The following THSD4 variants were observed in gnomAD, a reference collection of about 807,000 sequenced individuals.
THSD4 encodes the protein thrombospondin type-1 domain-containing protein 4.
In THSD4, 69 loss-of-function variants were observed where a neutral mutation model predicts 119.0. The ratio of observed to expected loss-of-function variants is 0.58; its 90% CI spans 0.48 to 0.71. The LOEUF is 0.71. Among genes scored for constraint, THSD4 ranks in the 30% least tolerant of loss-of-function variants. THSD4 has a pLI of 0.00. For synonymous variants in THSD4, 524 were observed against 540.4 expected, an observed-to-expected ratio of 0.97 and a Z score of 0.42; for missense variants, 1,393 against 1,391.1, an observed-to-expected ratio of 1.00 and a Z score of -0.02.
Position 71,407,716 on chromosome 15 carries a change from C to T in THSD4, c.1016-3971C>T, listed in dbSNP as rs575082906. On this transcript the variant is annotated intron_variant, in intron 6 of 17. Transcript: ENST00000261862. ...TATCTTTTAAATTCAGGCGTGGGATCTGAATATCTTTGATTCAAAATAAGA... is the reference window on the plus strand; with the variant it reads ...TATCTTTTAAATTCAGGCGTGGGATTTGAATATCTTTGATTCAAAATAAGA... 2.6e-5 allele frequency among the ~76,000 whole-genome samples: 4 copies of T among 152,074 alleles called. No homozygotes were observed. The South Asian group carries it at 8.3e-4, about 32-fold the overall frequency.
chr15:71,173,587 T>A (rs1002696454), intron 3 of THSD4, among the ~76,000 whole-genome samples: 4 of 149,158 alleles, frequency 2.7e-5, no homozygotes, highest in African/African-American at 9.8e-5. Context: ...TATATATATA[T>A]ACATTTTTAT....
At chr15:71,305,687 T>G (rs547910231) in intron 6 of THSD4, among the ~76,000 whole-genome samples, 2 of 152,324 alleles carry the variant, frequency 1.3e-5, no homozygotes, top group Admixed American at 6.5e-5. Flanking sequence ...TCACCCTTCC[T>G]AGAAAGGTTA....
At chr15:71,738,867 T>G (rs1162836211) in intron 11 of THSD4, among the ~76,000 whole-genome samples, 1 of 152,130 alleles carries the variant, frequency 6.6e-6, no homozygotes, top group Non-Finnish European at 1.5e-5. Flanking sequence ...AAAAACACTC[T>G]TATCAGGTGG....
At chr15:71,174,891 A>C (rs368623031) in intron 3 of THSD4, among the ~76,000 whole-genome samples, 9 of 151,108 alleles carry the variant, frequency 6.0e-5, no homozygotes, top group Non-Finnish European at 7.4e-5. Flanking sequence ...ACACCTCACA[A>C]GGCAGGGTAT....
chr15:71,555,837 T>C (rs1435879016), intron 7 of THSD4, among the ~76,000 whole-genome samples: 1 of 152,224 alleles, frequency 6.6e-6, no homozygotes, highest in Non-Finnish European at 1.5e-5. Flanking sequence ...ATTTCATTTT[T>C]CATTAAGGGA....
At chr15:71,295,054 G>GT (rs2140329761) in intron 6 of THSD4, among the ~76,000 whole-genome samples, 1 of 152,180 alleles carries the variant, frequency 6.6e-6, no homozygotes, top group South Asian at 2.1e-4. Flanking sequence ...GGGAATGTGA[G>GT]TGCCCTGCAG....
intron 7 of THSD4, among the ~76,000 whole-genome samples, chr15:71,655,395 A>G (rs1043042303): frequency 6.6e-6 from 1 of 152,174 alleles, no homozygotes; most frequent in African/African-American, 2.4e-5. Flanking sequence ...TGAAGAAGAA[A>G]ATATTTCTGA....
chr15:71,462,827 C>G (rs2047446650), intron 7 of THSD4, among the ~76,000 whole-genome samples: 1 of 152,218 alleles, frequency 6.6e-6, no homozygotes, highest in East Asian at 1.9e-4. Context: ...ATGTGGTATC[C>G]ATTCATTTGT....
intron 7 of THSD4, among the ~76,000 whole-genome samples, chr15:71,627,178 A>G (rs888496729): frequency 6.6e-6 from 1 of 152,220 alleles, no homozygotes; most frequent in Admixed American, 6.5e-5. Flanking sequence ...GGACTGTCAG[A>G]ATAGATGTCT....
intron 6 of THSD4, among the ~76,000 whole-genome samples, chr15:71,321,718 ATG>A (rs1247782807): frequency 6.6e-6 from 1 of 152,226 alleles, no homozygotes; most frequent in Non-Finnish European, 1.5e-5. Context: ...GCTGAAATAA[ATG>A]TAATTGCATT....
chr15:71,378,722 C>T (rs2046184306), intron 6 of THSD4, among the ~76,000 whole-genome samples: 2 of 152,234 alleles, frequency 1.3e-5, no homozygotes, highest in South Asian at 4.2e-4. Context: ...GGTTGAGAGT[C>T]ACTGCTTAAT....
chr15:71,376,681 G>C (rs998821368), intron 6 of THSD4, among the ~76,000 whole-genome samples: 27 of 152,166 alleles, frequency 1.8e-4, no homozygotes, highest in Admixed American at 1.5e-3. Flanking sequence ...TCCTCAACCT[G>C]TGCTAGTTAT....
intron 1 of THSD4, among the ~76,000 whole-genome samples, chr15:71,106,474 C>G (rs1164629083): frequency 6.6e-6 from 1 of 152,108 alleles, no homozygotes; most frequent in African/African-American, 2.4e-5. Context: ...ATTCTGGCCC[C>G]TGGTGGAGAA....
chr15:71,174,797 G>A (rs891804238), intron 3 of THSD4, among the ~76,000 whole-genome samples: 2 of 152,002 alleles, frequency 1.3e-5, no homozygotes, highest in African/African-American at 2.4e-5. Flanking sequence ...ATCTGAGAAC[G>A]TGCAGACTGC....
intron 6 of THSD4, among the ~76,000 whole-genome samples, chr15:71,378,021 G>A (rs2046173551): frequency 6.6e-6 from 1 of 152,148 alleles, no homozygotes; most frequent in Non-Finnish European, 1.5e-5. Context: ...GCTAGCTACT[G>A]AGATGTCGGG....
At chr15:71,742,616 A>G (rs909741738) in intron 11 of THSD4, among the ~76,000 whole-genome samples, 1 of 152,164 alleles carries the variant, frequency 6.6e-6, no homozygotes, top group Admixed American at 6.5e-5. Context: ...GCCTGACCTC[A>G]CCACCTTGTT....
intron 6 of THSD4, among the ~76,000 whole-genome samples, chr15:71,401,693 G>A (rs1159038436): frequency 6.6e-6 from 1 of 152,174 alleles, no homozygotes; most frequent in Non-Finnish European, 1.5e-5. Context: ...AAACAGTGTG[G>A]CGATTCCTCA....
At chr15:71,673,074 T>A (rs146928520) in intron 8 of THSD4, among the ~76,000 whole-genome samples, 3 of 152,348 alleles carry the variant, frequency 2.0e-5, no homozygotes, top group African/African-American at 7.2e-5. Flanking sequence ...TACCAGCTCC[T>A]CTTTGTACCT....
chr15:71,425,699 A>G (rs76576915), intron 7 of THSD4, among the ~76,000 whole-genome samples: 16,192 of 152,254 alleles, frequency 0.11, 1,011 homozygotes, highest in African/African-American at 0.17. Context: ...AAAGCCTACC[A>G]TTTGAATGGG....
Sources: gnomAD v4.1 joint callset for allele counts (sites outside exome capture counted in the v4.1 genomes callset) on GRCh38, gnomAD v4.1.1 for gene constraint, MANE v1.5 for transcripts, NCBI Gene and HGNC (gene_info 2026-07-23, HGNC 2026-07-21) for gene names.